Variants in BRMS1L observed in about 807,000 individuals in gnomAD.
BRMS1L encodes the protein breast cancer metastasis-suppressor 1-like protein.
BRMS1L carries 23 observed loss-of-function variants against 50.3 expected under a neutral mutation model. That is an observed-to-expected ratio of 0.46 (90% CI 0.33 to 0.65). The LOEUF (loss-of-function observed/expected upper bound fraction) is 0.65, where lower values mean the gene tolerates loss of function less well. Ranked by LOEUF, BRMS1L falls within the 30% of genes least tolerant of loss-of-function variation. The probability of loss-of-function intolerance (pLI) is 0.02; values close to 1 mark genes in which losing one functional copy is unlikely to be tolerated. For synonymous variants in BRMS1L, 114 were observed against 126.9 expected, an observed-to-expected ratio of 0.90 and a Z score of 0.69; for missense variants, 286 against 386.1, an observed-to-expected ratio of 0.74 and a Z score of 2.17.
At position 35,826,672 on chromosome 14, in the gene BRMS1L, T is replaced by TGCTGGGAC. The variant is rs1194137429; in HGVS notation, c.142+15_142+22dup. 1.6e-5 allele frequency: 26 copies of TGCTGGGAC among 1,609,758 alleles called. No individual in the cohort carries two copies. The highest frequency in any genetic ancestry group is 2.1e-5 in the Non-Finnish European group (25 of 1,178,798). ...GAGATAGCTCAGGTGCGCGACCCAC[T>TGCTGGGAC]GCTGGGACCCTGAGTCCCCGCGCCC... On this transcript the variant is annotated intron_variant, in intron 1 of 9. Coordinates refer to ENST00000216807, the MANE Select transcript of BRMS1L (RefSeq NM_032352.4).
chr14:35,846,394 TAAAAAAAAAAA>T (rs556829031), intron 4 of BRMS1L, among the ~76,000 whole-genome samples: 3 of 121,700 alleles, frequency 2.5e-5, no homozygotes. Flanking sequence ...AGATCCTGTC[TAAAAAAAAAAA>T]AAAAGAAAAA....
intron 4 of BRMS1L, among the ~76,000 whole-genome samples, chr14:35,849,540 C>G (rs1328489560): frequency 6.6e-6 from 1 of 152,074 alleles, no homozygotes; most frequent in African/African-American, 2.4e-5. Flanking sequence ...CTCAAGTGAT[C>G]CTCCCAGCTT....
At chr14:35,833,580 A>C (rs2142038539) in intron 3 of BRMS1L, among the ~76,000 whole-genome samples, 1 of 152,184 alleles carries the variant, frequency 6.6e-6, no homozygotes, top group East Asian at 1.9e-4. Flanking sequence ...TTTCCTTTTT[A>C]CTTTGATAAG....
intron 4 of BRMS1L, among the ~76,000 whole-genome samples, chr14:35,859,865 T>C (rs939384825): frequency 1.3e-5 from 2 of 151,938 alleles, no homozygotes; most frequent in African/African-American, 4.8e-5. Context: ...TTGCCTAAGC[T>C]GGTCTCAAAC....
Position 35,870,346 on chromosome 14 carries a change from T to A in BRMS1L, c.855-14T>A. 7.0e-7 allele frequency: 1 copy of A among 1,434,954 alleles called. No homozygotes were observed. The highest frequency in any genetic ancestry group is 1.2e-5 in the South Asian group (1 of 81,988). The allele number at this position is 1,434,954 out of a possible 1,614,324, so 88.9% of individuals were successfully genotyped here. A position where few individuals can be genotyped will look rare whatever the true frequency, so the allele number is the denominator to read the frequency against. ...TTGTAATTCATTCATTCATTCTTTT[T>A]TTTTTCTTTTTAGTGCTGTAATTAC... On this transcript the variant is annotated splice_polypyrimidine_tract_variant and intron_variant, in intron 9 of 9. Coordinates refer to ENST00000216807, the MANE Select transcript of BRMS1L (RefSeq NM_032352.4).
intron 4 of BRMS1L, among the ~76,000 whole-genome samples, chr14:35,846,446 G>A (rs1182737200): frequency 1.3e-5 from 2 of 150,768 alleles, no homozygotes; most frequent in Non-Finnish European, 2.9e-5. Context: ...CATTGTCACT[G>A]CATTTAGTTT....
intron 8 of BRMS1L, among the ~76,000 whole-genome samples, chr14:35,867,454 A>G (rs2078436251): frequency 6.6e-6 from 1 of 152,186 alleles, no homozygotes; most frequent in Non-Finnish European, 1.5e-5. Flanking sequence ...TAGAAGTTGT[A>G]CTTAGGACAT....
At chr14:35,843,346 C>T (rs1044438175) in intron 4 of BRMS1L, among the ~76,000 whole-genome samples, 12 of 151,820 alleles carry the variant, frequency 7.9e-5, no homozygotes, top group Non-Finnish European at 1.6e-4. Flanking sequence ...ATGTTGGTGA[C>T]CTTTGGATGG....
chr14:35,856,611 T>TG (rs367579267), intron 4 of BRMS1L, among the ~76,000 whole-genome samples: 9,104 of 149,352 alleles, frequency 0.061, 583 homozygotes, highest in African/African-American at 0.15. Context: ...TACATTTTTT[T>TG]GGGGGGGGGT....
chr14:35,848,320 TATACA>T (rs1407226830), intron 4 of BRMS1L, among the ~76,000 whole-genome samples: 1 of 152,180 alleles, frequency 6.6e-6, no homozygotes, highest in African/African-American at 2.4e-5. Context: ...AAGTTTCCAG[TATACA>T]ATACATTATT....
In BRMS1L at chr14:35,869,959, C is replaced by T. The variant is rs151154689; in HGVS notation, c.855-401C>T. Among the ~76,000 whole-genome samples, 714 of 151,364 alleles carry T rather than the reference C, an allele frequency of 4.7e-3. 9 individuals carry two copies. Among genetic ancestry groups the T allele is most frequent in the African/African-American group, 0.017 (689 of 41,234 alleles). On this transcript the variant is annotated intron_variant, in intron 9 of 9. Transcript: ENST00000216807. ...GTGTAAAAAAAATTGGTATAAGTACCGTAGATGGTTTGACATTAGGAATTA... is the reference window on the plus strand; with the variant it reads ...GTGTAAAAAAAATTGGTATAAGTACTGTAGATGGTTTGACATTAGGAATTA...
At chr14:35,836,606 T>A (rs1227762555) in intron 4 of BRMS1L, among the ~76,000 whole-genome samples, 1 of 152,222 alleles carries the variant, frequency 6.6e-6, no homozygotes, top group East Asian at 1.9e-4. Context: ...CCTCCTGAAG[T>A]GTTGAGATTA....
chr14:35,868,780 TAAC>T (rs1041032571), intron 9 of BRMS1L, among the ~76,000 whole-genome samples: 7 of 152,016 alleles, frequency 4.6e-5, no homozygotes, highest in Admixed American at 6.6e-5. Context: ...CTTGTCTCTC[TAAC>T]AACAACAACA....
chr14:35,826,850 C>CGGCGG (rs1431170173), intron 1 of BRMS1L, 192 bp downstream of exon 1: 242 of 785,390 alleles, frequency 3.1e-4, no homozygotes, highest in Non-Finnish European at 3.6e-4. Context: ...TGGGTCCCGG[C>CGGCGG]GGCGGGGCGG....
At chr14:35,832,242 C>A (rs150621639) in intron 2 of BRMS1L, among the ~76,000 whole-genome samples, 1 of 148,664 alleles carries the variant, frequency 6.7e-6, no homozygotes, top group Non-Finnish European at 1.5e-5. Context: ...CGGTGGCTTA[C>A]GCCTGTAATC....
intron 9 of BRMS1L, among the ~76,000 whole-genome samples, chr14:35,869,632 G>T (rs942493736): frequency 2.6e-5 from 4 of 152,138 alleles, no homozygotes; most frequent in Admixed American, 2.6e-4. Flanking sequence ...TGGATCACAA[G>T]GTCGGGAGTT....
intron 4 of BRMS1L, among the ~76,000 whole-genome samples, chr14:35,857,962 C>G (rs1439450156): frequency 1.4e-5 from 2 of 143,616 alleles, no homozygotes; most frequent in Non-Finnish European, 3.0e-5. Flanking sequence ...TTCATGAAGC[C>G]TGAGTATTCC....
rs765774458 is a variant in BRMS1L, at chr14:35,870,429, T to C, written c.924T>C (p.Leu308=). The change falls in exon 10 of 10, where the codon CTT becomes CTC. Residue 308 remains leucine (L), a synonymous_variant. Transcript: ENST00000216807. ...GGCCTGATGGAAGCAAATCTAAGCT[T>C]TACATTTCACAGCTACAGAAAGGAA... is the stretch of plus-strand genomic sequence containing the variant. ...FKRPDGSKSK[L]YISQLQKGKY... 5.6e-6 allele frequency: 9 copies of C among 1,610,144 alleles called. No individual in the cohort carries two copies. The African/African-American group carries it at 1.2e-4, about 22-fold the overall frequency.
chr14:35,842,061 A>T (rs1595665118), intron 4 of BRMS1L, among the ~76,000 whole-genome samples: 1 of 104,354 alleles, frequency 9.6e-6, no homozygotes, highest in South Asian at 3.0e-4. Context: ...CTTTATTTTG[A>T]GCTTATGTGT....
Sources: allele counts gnomAD v4.1 joint callset (sites outside exome capture counted in the v4.1 genomes callset), GRCh38; gene constraint gnomAD v4.1.1; transcripts MANE v1.5; gene names NCBI Gene and HGNC (gene_info 2026-07-23, HGNC 2026-07-21).